Variants in CREB5 observed in about 807,000 individuals in gnomAD.
CREB5 encodes the protein cyclic AMP-responsive element-binding protein 5.
Under a neutral mutation model 57.1 loss-of-function variants are expected in CREB5, and 19 were observed. The ratio of observed to expected loss-of-function variants is 0.33; its 90% CI spans 0.23 to 0.49. The LOEUF is 0.49. Ranked by LOEUF, CREB5 falls within the 20% of genes least tolerant of loss-of-function variation. The pLI is 0.99. For missense variants in CREB5, 579 were observed against 671.6 expected, an observed-to-expected ratio of 0.86 and a Z score of 1.52; for synonymous variants, 238 against 238.3, an observed-to-expected ratio of 1.00 and a Z score of 0.01.
At position 28,804,533 on chromosome 7, in the gene CREB5, T is replaced by C. The variant is rs1312407808; in HGVS notation, c.1026+11T>C. The C allele has an allele frequency of 1.2e-6, 2 of 1,611,218 alleles. No homozygotes were observed. The highest frequency in any genetic ancestry group is 1.7e-6 in the Non-Finnish European group (2 of 1,177,594). ...GGCAACCAAGCACAGGTAGACCTTTTCCGTGATCTCTTTCCCCTTCTTATT... is the reference window on the plus strand; with the variant it reads ...GGCAACCAAGCACAGGTAGACCTTTCCCGTGATCTCTTTCCCCTTCTTATT... On this transcript the variant is annotated intron_variant, in intron 8 of 10. Coordinates refer to ENST00000357727, the MANE Select transcript of CREB5 (RefSeq NM_182898.4).
At chr7:28,572,043 G>A (rs896782755) in intron 5 of CREB5, among the ~76,000 whole-genome samples, 3 of 152,082 alleles carry the variant, frequency 2.0e-5, no homozygotes, top group African/African-American at 4.8e-5. Context: ...CTTGTTTTTC[G>A]GTGTTATAAG....
chr7:28,494,234 T>A (rs1368725707), intron 2 of CREB5, among the ~76,000 whole-genome samples: 4 of 152,232 alleles, frequency 2.6e-5, no homozygotes, highest in African/African-American at 9.6e-5. Flanking sequence ...TTTTCTCATA[T>A]GTATAAGAAG....
intron 5 of CREB5, among the ~76,000 whole-genome samples, chr7:28,685,654 C>T (rs1031716747): frequency 6.6e-6 from 1 of 151,268 alleles, no homozygotes; most frequent in East Asian, 1.9e-4. Context: ...TTTCTCCAAA[C>T]ACAGGGCACT....
intron 1 of CREB5, among the ~76,000 whole-genome samples, chr7:28,449,522 C>T (rs557081969): frequency 1.3e-5 from 2 of 152,338 alleles, no homozygotes; most frequent in South Asian, 2.1e-4. Context: ...ACATTTCCAC[C>T]TTTGGCATCT....
At position 28,366,569 on chromosome 7, in the gene CREB5, A is replaced by T. The variant is rs369275319; in HGVS notation, c.-25+67128A>T. Among the ~76,000 whole-genome samples the T allele has an allele frequency of 2.0e-5, 3 of 152,242 alleles. No individual in the cohort carries two copies. In the East Asian group the frequency reaches 5.8e-4, roughly 29 times the overall value. ...ATAGAAACTTGATCATAGAAGTGCT[A>T]TCCAATTCTTTGAATTCCTTTTGAG... On this transcript the variant is annotated intron_variant, in intron 1 of 9. Transcript: ENST00000396299.
In CREB5 at chr7:28,818,076, A is replaced by G. The variant is rs1385860261; in HGVS notation, c.1260A>G (p.Glu420=). 6.2e-7 allele frequency: 1 copy of G among 1,612,600 alleles called. No homozygotes were observed. The highest frequency in any genetic ancestry group is 2.2e-5 in the East Asian group (1 of 44,876). The change falls in exon 10 of 11, where the codon GAA becomes GAG. Residue 420 remains glutamate, a synonymous_variant. Transcript: ENST00000357727. ...LTQTNMQLQN[E]VSMLKNEVAQ... is the part of the protein sequence containing the mutation. ...TTAATACATATCTCTTTTAGAATGAAGTGTCTATGTTGAAAAATGAGGTGG... is the reference window on the plus strand; with the variant it reads ...TTAATACATATCTCTTTTAGAATGAGGTGTCTATGTTGAAAAATGAGGTGG...
At chr7:28,686,589 C>T (rs905868965) in intron 5 of CREB5, among the ~76,000 whole-genome samples, 16 of 152,064 alleles carry the variant, frequency 1.1e-4, no homozygotes, top group Admixed American at 7.9e-4. Flanking sequence ...GCTGCGGTGT[C>T]GCTCCTAATC....
At chr7:28,817,688 A>G (rs1178916363) in intron 9 of CREB5, among the ~76,000 whole-genome samples, 1 of 152,170 alleles carries the variant, frequency 6.6e-6, no homozygotes, top group Non-Finnish European at 1.5e-5. Context: ...TAGTAACACA[A>G]ATAATGTACT....
chr7:28,808,741 T>TTTG (rs1808908257), intron 8 of CREB5, among the ~76,000 whole-genome samples: 1 of 132,168 alleles, frequency 7.6e-6, no homozygotes, highest in African/African-American at 2.8e-5. Context: ...TTTTTTTTTT[T>TTTG]GTAGAGACAG....
chr7:28,379,789 C>T (rs1454600773), intron 1 of CREB5, among the ~76,000 whole-genome samples: 2 of 152,208 alleles, frequency 1.3e-5, no homozygotes, highest in East Asian at 1.9e-4. Context: ...AGTTCCAGAC[C>T]AGCAGCTTCA....
chr7:28,783,045 A>T (rs1352962120), intron 7 of CREB5, among the ~76,000 whole-genome samples: 1 of 152,218 alleles, frequency 6.6e-6, no homozygotes, highest in Admixed American at 6.5e-5. Flanking sequence ...TTGCTTCCAC[A>T]TAATTGGGGA....
intron 4 of CREB5, among the ~76,000 whole-genome samples, chr7:28,548,796 G>A (rs1562789247): frequency 6.6e-6 from 1 of 152,020 alleles, no homozygotes; most frequent in Non-Finnish European, 1.5e-5. Flanking sequence ...TTAATTTTCT[G>A]TATCAGTTTT....
At chr7:28,807,211 G>A (rs368204318) in intron 8 of CREB5, among the ~76,000 whole-genome samples, 1 of 152,170 alleles carries the variant, frequency 6.6e-6, no homozygotes, top group East Asian at 1.9e-4. Flanking sequence ...CACTTTGGGA[G>A]GCTGAGGCGG....
intron 5 of CREB5, among the ~76,000 whole-genome samples, chr7:28,610,843 T>TTTTTG (rs1449514289): frequency 6.6e-6 from 1 of 151,998 alleles, no homozygotes; most frequent in Non-Finnish European, 1.5e-5. Flanking sequence ...GTGTTGCTTC[T>TTTTTG]TTTTGTTTTG....
At chr7:28,560,911 T>TGTGTGTGTGTGC in intron 4 of CREB5, among the ~76,000 whole-genome samples, 2 of 36,066 alleles carry the variant, frequency 5.5e-5, no homozygotes, top group South Asian at 1.4e-3. Context: ...CGCGCGTGCG[T>TGTGTGTGTGTGC]GTGCGTGTGT....
Position 28,534,948 on chromosome 7 carries a change from G to T in CREB5, c.291+27211G>T, listed in dbSNP as rs111709070. Among the ~76,000 whole-genome samples, 12 of 141,192 alleles carry T rather than the reference G, an allele frequency of 8.5e-5. No homozygotes were observed. In the East Asian group the frequency reaches 2.4e-3, roughly 28 times the overall value. 92.6% of individuals were successfully genotyped at this position (141,192 alleles called of 152,430 possible). A position where few individuals can be genotyped will look rare whatever the true frequency, so the allele number is the denominator to read the frequency against. On this transcript the variant is annotated intron_variant, in intron 4 of 10. Coordinates refer to ENST00000357727, the MANE Select transcript of CREB5 (RefSeq NM_182898.4). ...TGAGTTCTCAAGGCCCTGATGTCCC[G>T]TATCACCTCCCAGTTATTTATTTAT...
chr7:28,720,142 A>C (rs1187160207), intron 6 of CREB5, among the ~76,000 whole-genome samples: 1 of 152,208 alleles, frequency 6.6e-6, no homozygotes, highest in Non-Finnish European at 1.5e-5. Context: ...CTTTCCTTGC[A>C]TGGACCTCTT....
intron 4 of CREB5, among the ~76,000 whole-genome samples, chr7:28,520,415 C>A (rs1480839428): frequency 6.6e-6 from 1 of 152,214 alleles, no homozygotes; most frequent in Non-Finnish European, 1.5e-5. Context: ...TTTGCATTCT[C>A]CTTTCCTATC....
At chr7:28,490,271 C>T (rs1791741606) in intron 2 of CREB5, among the ~76,000 whole-genome samples, 1 of 152,150 alleles carries the variant, frequency 6.6e-6, no homozygotes, top group Admixed American at 6.5e-5. Context: ...TAGTCAATTG[C>T]AATTTTCCAT....
Sources: gnomAD v4.1 joint callset for allele counts (sites outside exome capture counted in the v4.1 genomes callset) on GRCh38, gnomAD v4.1.1 for gene constraint, MANE v1.5 for transcripts, NCBI Gene and HGNC (gene_info 2026-07-23, HGNC 2026-07-21) for gene names.